Variants in AP1S3 observed in about 807,000 individuals in gnomAD.
The protein encoded by AP1S3 is adaptor related protein complex 1 subunit sigma 3, also known as AP-1 complex subunit sigma-3.
In AP1S3, 10 loss-of-function variants were observed where a neutral mutation model predicts 20.9. That is an observed-to-expected ratio of 0.48 (90% CI 0.29 to 0.81). The LOEUF is 0.81. AP1S3 is among the 30% of genes least tolerant of loss of function. The pLI is 0.08. For synonymous variants in AP1S3, 41 were observed against 61.5 expected (o/e 0.67, Z 1.56); for missense variants, 154 against 183.8 (o/e 0.84, Z 0.94).
At chr2:223,826,384 G>A (rs1326287692) in intron 1 of AP1S3, among the ~76,000 whole-genome samples, 3 of 152,118 alleles carry the variant, frequency 2.0e-5, no homozygotes, top group Non-Finnish European at 4.4e-5. Flanking sequence ...CTTGAGGTCA[G>A]GAGTTCGAGA....
intron 1 of AP1S3, among the ~76,000 whole-genome samples, chr2:223,805,429 C>T (rs745802093): frequency 3.1e-4 from 47 of 151,868 alleles, no homozygotes; most frequent in Admixed American, 1.1e-3. Flanking sequence ...GTGACAGAAG[C>T]GAAACTCCAT....
intron 1 of AP1S3, among the ~76,000 whole-genome samples, chr2:223,837,247 G>A (rs1692425331): frequency 6.6e-6 from 1 of 151,626 alleles, no homozygotes; most frequent in Admixed American, 6.6e-5. Flanking sequence ...CCGCGTTGCC[G>A]CAGGAATCCC....
In AP1S3 at chr2:223,770,551, A is replaced by G. The variant is rs546142390; in HGVS notation, c.292-5201T>C. ...ACACACCCCTTGATATACAGTTACT[A>G]TCTGTAGCTCTGAAGAGAAATGTAT... On this transcript the variant is annotated intron_variant, in intron 3 of 4. Coordinates refer to ENST00000396654, the MANE Select transcript of AP1S3 (RefSeq NM_001039569.2). Among the ~76,000 whole-genome samples the G allele has an allele frequency of 5.8e-4, 81 of 140,140 alleles. 1 individual carries two copies. Among genetic ancestry groups the G allele is most frequent in the Middle Eastern group, 3.5e-3 (1 of 286 alleles). The allele number at this position is 140,140 out of a possible 152,430, so 91.9% of individuals were successfully genotyped here. A position where few individuals can be genotyped will look rare whatever the true frequency, so the allele number is the denominator to read the frequency against.
At chr2:223,813,314 T>G (rs929258849) in intron 1 of AP1S3, among the ~76,000 whole-genome samples, 1 of 152,142 alleles carries the variant, frequency 6.6e-6, no homozygotes, top group African/African-American at 2.4e-5. Flanking sequence ...CTTTTGAAAT[T>G]TACGCCTGGA....
At chr2:223,822,512 T>C (rs912193879) in intron 1 of AP1S3, among the ~76,000 whole-genome samples, 78 of 151,708 alleles carry the variant, frequency 5.1e-4, no homozygotes, top group African/African-American at 1.7e-3. Flanking sequence ...TGGAGAAACC[T>C]CATCTCTACT....
intron 3 of AP1S3, among the ~76,000 whole-genome samples, chr2:223,766,610 G>A (rs535871407): frequency 6.6e-6 from 1 of 152,340 alleles, no homozygotes; most frequent in Non-Finnish European, 1.5e-5. Flanking sequence ...GTTGGTGGGA[G>A]TGTAAATTAG....
chr2:223,837,474 C>T lies in AP1S3; in HGVS notation c.-24G>A, dbSNP rs887016566. On this transcript the variant is annotated 5_prime_UTR_variant, in exon 1 of 5. Coordinates refer to ENST00000396654, the MANE Select transcript of AP1S3 (RefSeq NM_001039569.2). ...ATCGTGGCTGGGCCGCCGCCTCCCC[C>T]GCCTTGCGAGCAAGGAGCGCTGGAG... The T allele has an allele frequency of 7.8e-6, 10 of 1,286,098 alleles. No homozygotes were observed. The highest frequency in any genetic ancestry group is 5.3e-5 in the South Asian group (2 of 37,858). 79.7% of individuals were successfully genotyped at this position (1,286,098 alleles called of 1,614,324 possible).
rs1247171539 is a variant in AP1S3 at position 223,757,105 on chromosome 2, T to TCAGCCCC, written c.*1603_*1609dup. 3.3e-6 allele frequency: 2 copies of TCAGCCCC among 610,750 alleles called. No individual in the cohort carries two copies. The highest frequency in any genetic ancestry group is 2.0e-5 in the African/African-American group (1 of 49,666). 37.8% of individuals were successfully genotyped at this position (610,750 alleles called of 1,614,324 possible). ...CCTGGGTTCAAGCCATTCCCCTGCC[T>TCAGCCCC]CAGCCCCCTGAGTAGCTGGGATTAC... On this transcript the variant is annotated 3_prime_UTR_variant, in exon 5 of 5. Coordinates refer to ENST00000396654, the MANE Select transcript of AP1S3 (RefSeq NM_001039569.2).
chr2:223,819,066 A>G (rs1691923834), intron 1 of AP1S3, among the ~76,000 whole-genome samples: 3 of 152,088 alleles, frequency 2.0e-5, no homozygotes, highest in Admixed American at 2.0e-4. Context: ...GCCTTTTTCT[A>G]CACTTATAAT....
chr2:223,769,693 G>GAA (rs1375064008), intron 3 of AP1S3, among the ~76,000 whole-genome samples: 5 of 145,410 alleles, frequency 3.4e-5, no homozygotes, highest in African/African-American at 1.3e-4. Flanking sequence ...TTGTAAGGAG[G>GAA]AAAAAAAAGA....
At chr2:223,798,882 G>C (rs1691406587) in intron 1 of AP1S3, among the ~76,000 whole-genome samples, 1 of 152,168 alleles carries the variant, frequency 6.6e-6, no homozygotes, top group Non-Finnish European at 1.5e-5. Flanking sequence ...GACCAGCCTG[G>C]CCAACGTGGT....
rs1298235522 is a variant in AP1S3 at position 223,780,349 on chromosome 2, A to AGT, written c.4-2481_4-2480insAC. Among the ~76,000 whole-genome samples, 655 of 69,694 alleles carry AGT rather than the reference A, an allele frequency of 9.4e-3. 7 individuals carry two copies. The highest frequency in any genetic ancestry group is 0.012 in the Non-Finnish European group (461 of 39,236). The allele number at this position is 69,694 out of a possible 152,430, so 45.7% of individuals were successfully genotyped here. A position where few individuals can be genotyped will look rare whatever the true frequency, so the allele number is the denominator to read the frequency against. ...GAGAGAGAGAGAGAGAGAGAGAGAG[A>AGT]GAGAGAGAGTGTGTGTGTGTGTGTG... On this transcript the variant is annotated intron_variant, in intron 1 of 4. Transcript: ENST00000396654.
At chr2:223,778,020 C>T (rs1690830621) in intron 1 of AP1S3, 151 bp from the exon 2 acceptor site, 1 of 624,896 alleles carries the variant, frequency 1.6e-6, no homozygotes. Flanking sequence ...TCTCATCTGA[C>T]AAATTATATT....
chr2:223,834,445 C>T (rs191452188), intron 1 of AP1S3, among the ~76,000 whole-genome samples: 5 of 152,030 alleles, frequency 3.3e-5, no homozygotes, highest in African/African-American at 9.6e-5. Context: ...AAAAAATTAC[C>T]TGGGCATGAT....
At chr2:223,764,297 G>A (rs1244154581) in intron 4 of AP1S3, among the ~76,000 whole-genome samples, 1 of 152,170 alleles carries the variant, frequency 6.6e-6, no homozygotes, top group Non-Finnish European at 1.5e-5. Flanking sequence ...AAGATGGGAA[G>A]ACCCACTGAG....
rs1241697104 is a variant in AP1S3, at chr2:223,758,698, T to C, written c.*17A>G. ...CTTCATAACATGTAGTGCTGGAGTC[T>C]TCAAGTAGATTTCCAGTTAAAATGT... On this transcript the variant is annotated 3_prime_UTR_variant, in exon 5 of 5. Transcript: ENST00000396654. 8.7e-6 allele frequency: 14 copies of C among 1,606,874 alleles called. No homozygotes were observed. Among genetic ancestry groups the C allele is most frequent in the Admixed American group, 1.7e-5 (1 of 58,992 alleles).
At position 223,756,575 on chromosome 2, in the gene AP1S3, T is replaced by C. The variant is rs1690227490; in HGVS notation, c.*2140A>G. The C allele has an allele frequency of 1.0e-6, 1 of 985,400 alleles. No homozygotes were observed. The highest frequency in any genetic ancestry group is 1.2e-6 in the Non-Finnish European group (1 of 829,904). The allele number at this position is 985,400 out of a possible 1,614,324, so 61.0% of individuals were successfully genotyped here. Reference sequence around the variant, plus strand: ...AAACACAGTGGTCAATCATACATGATAAACTTCAAGCTGATGCCATAATTG... The same window carrying C: ...AAACACAGTGGTCAATCATACATGACAAACTTCAAGCTGATGCCATAATTG... On this transcript the variant is annotated 3_prime_UTR_variant, in exon 5 of 5. Transcript: ENST00000396654.
chr2:223,793,561 G>A (rs1227674627), intron 1 of AP1S3, among the ~76,000 whole-genome samples: 1 of 152,118 alleles, frequency 6.6e-6, no homozygotes, highest in Non-Finnish European at 1.5e-5. Context: ...AGTGGGGAGT[G>A]GAGGGTAGGA....
intron 3 of AP1S3, among the ~76,000 whole-genome samples, chr2:223,772,799 C>T (rs575878666): frequency 6.6e-6 from 1 of 152,026 alleles, no homozygotes; most frequent in Admixed American, 6.6e-5. Context: ...TCAAGGAAAG[C>T]TTTAGTATTA....
Sources: allele counts gnomAD v4.1 joint callset (sites outside exome capture counted in the v4.1 genomes callset), GRCh38; gene constraint gnomAD v4.1.1; transcripts MANE v1.5; gene names NCBI Gene and HGNC (gene_info 2026-07-23, HGNC 2026-07-21).